The following CPEB3 variants were observed in gnomAD, a reference collection of about 807,000 sequenced individuals.
CPEB3 encodes the protein cytoplasmic polyadenylation element-binding protein 3.
CPEB3 carries 20 observed loss-of-function variants against 67.2 expected under a neutral mutation model. That is an observed-to-expected ratio of 0.30 (90% CI 0.21 to 0.43). The LOEUF (loss-of-function observed/expected upper bound fraction) is 0.43, where lower values mean the gene tolerates loss of function less well. CPEB3 is among the 20% of genes least tolerant of loss of function. The pLI, the probability that CPEB3 is intolerant of heterozygous loss-of-function variation, is 1.00. For synonymous variants in CPEB3, 376 were observed against 393.1 expected (o/e 0.96, Z 0.51); for missense variants, 746 against 968.6 (o/e 0.77, Z 3.05).
chr10:92,151,121 G>A (rs557184820), intron 4 of CPEB3, among the ~76,000 whole-genome samples: 31 of 152,312 alleles, frequency 2.0e-4, no homozygotes, highest in Middle Eastern at 3.4e-3. Flanking sequence ...GTTAAGCATG[G>A]AAGGCTTGTC....
At chr10:92,095,929 G>A (rs1843853174) in intron 7 of CPEB3, among the ~76,000 whole-genome samples, 1 of 151,700 alleles carries the variant, frequency 6.6e-6, no homozygotes, top group Non-Finnish European at 1.5e-5. Context: ...AGGCTGGAGT[G>A]CAGTGGCACA....
intron 3 of CPEB3, among the ~76,000 whole-genome samples, chr10:92,188,482 G>A (rs1848806848): frequency 6.6e-6 from 1 of 152,076 alleles, no homozygotes; most frequent in East Asian, 1.9e-4. Context: ...AGCACTTTGG[G>A]AGGCTAAGCC....
chr10:92,053,200 T>C (rs1303549592), intron 9 of CPEB3, among the ~76,000 whole-genome samples: 1 of 152,188 alleles, frequency 6.6e-6, no homozygotes, highest in Admixed American at 6.5e-5. Flanking sequence ...GAAACTTCAA[T>C]AGACGACAAC....
rs117092055 is a variant in CPEB3 at position 92,169,087 on chromosome 10, G to A, written c.1222+11876C>T. Among the ~76,000 whole-genome samples the A allele has an allele frequency of 2.9e-4, 43 of 149,892 alleles. No homozygotes were observed. The East Asian group carries it at 7.8e-3, about 27-fold the overall frequency. ...CTGAGATCACAGGCGTGAGCTAACC[G>A]TGCCTGGCCTAAACCTCTTTCCTTT... On this transcript the variant is annotated intron_variant, in intron 4 of 9. Transcript: ENST00000265997.
chr10:92,110,724 A>G (rs1239107121), intron 7 of CPEB3, among the ~76,000 whole-genome samples: 2 of 152,190 alleles, frequency 1.3e-5, no homozygotes, highest in Non-Finnish European at 2.9e-5. Flanking sequence ...CTTTTTCAAA[A>G]ATAAATAACT....
intron 4 of CPEB3, among the ~76,000 whole-genome samples, chr10:92,146,544 T>C (rs1012558942): frequency 1.3e-5 from 2 of 152,070 alleles, no homozygotes; most frequent in South Asian, 2.1e-4. Flanking sequence ...TAAAACAGAA[T>C]ATAAATAGCC....
intron 3 of CPEB3, among the ~76,000 whole-genome samples, chr10:92,189,050 T>C (rs1204325567): frequency 6.6e-6 from 1 of 152,176 alleles, no homozygotes; most frequent in Non-Finnish European, 1.5e-5. Flanking sequence ...ATCAAGAGGA[T>C]AGTTGAATAA....
intron 2 of CPEB3, among the ~76,000 whole-genome samples, chr10:92,217,230 AAAAAT>A (rs1850466559): frequency 7.3e-6 from 1 of 136,702 alleles, no homozygotes; most frequent in African/African-American, 3.1e-5. Flanking sequence ...AAAAAAAAAA[AAAAAT>A]TATATATATA....
rs768602863 is a variant in CPEB3 at position 92,180,640 on chromosome 10, G to T, written c.1222+323C>A. 1.1e-4 allele frequency among the ~76,000 whole-genome samples: 17 copies of T among 152,160 alleles called. 1 individual carries two copies. The highest frequency in any genetic ancestry group is 2.5e-4 in the Non-Finnish European group (17 of 68,024). Reference sequence around the variant, plus strand: ...GATCCAGCTTGCAGAGCTATAGTTTGCCAACCCTGGTTTGAAGCAGCAATT... The same window carrying T: ...GATCCAGCTTGCAGAGCTATAGTTTTCCAACCCTGGTTTGAAGCAGCAATT... On this transcript the variant is annotated intron_variant, in intron 4 of 9. Transcript: ENST00000265997.
At chr10:92,117,567 T>C (rs539634711) in intron 6 of CPEB3, among the ~76,000 whole-genome samples, 2 of 151,774 alleles carry the variant, frequency 1.3e-5, no homozygotes, top group Admixed American at 6.6e-5. Context: ...CCTGACCTCA[T>C]GATCCGCCCA....
intron 8 of CPEB3, among the ~76,000 whole-genome samples, chr10:92,083,922 G>A (rs957515235): frequency 6.6e-5 from 10 of 152,056 alleles, no homozygotes; most frequent in Admixed American, 3.9e-4. Flanking sequence ...GGTGGCTCAC[G>A]GCTATAATCC....
intron 1 of CPEB3, among the ~76,000 whole-genome samples, chr10:92,245,377 T>C (rs10882038): frequency 0.35 from 53,584 of 151,574 alleles, 10,661 homozygotes; most frequent in African/African-American, 0.53. Context: ...ACCTCGTGAT[T>C]TGCCCACCTC....
In CPEB3 at chr10:92,050,522, G is replaced by A. The variant is rs879326181; in HGVS notation, c.*1690C>T. On this transcript the variant is annotated 3_prime_UTR_variant, in exon 10 of 10. Transcript: ENST00000265997. Reference sequence around the variant, plus strand: ...ACATAGTCTTGCAATCATTGTGTGTGTTTATATATTACTATCTGCAGCCCA... The same window carrying A: ...ACATAGTCTTGCAATCATTGTGTGTATTTATATATTACTATCTGCAGCCCA... 4.6e-5 allele frequency: 7 copies of A among 152,566 alleles called. No homozygotes were observed. The highest frequency in any genetic ancestry group is 1.0e-4 in the Non-Finnish European group (7 of 68,056). The allele number at this position is 152,566 out of a possible 1,614,324, so 9.5% of individuals were successfully genotyped here.
intron 7 of CPEB3, among the ~76,000 whole-genome samples, chr10:92,104,400 T>G (rs1844338034): frequency 8.8e-6 from 1 of 113,722 alleles, no homozygotes; most frequent in Non-Finnish European, 1.8e-5. Flanking sequence ...TTTTTTTTTT[T>G]GAGACGGAGT....
rs1302295478 is a variant in CPEB3, at chr10:92,198,064, C to CACTCAGAGCCGAGAT, written c.1006-5429_1006-5428insATCTCGGCTCTGAGT. 7.2e-5 allele frequency among the ~76,000 whole-genome samples: 11 copies of CACTCAGAGCCGAGAT among 152,286 alleles called. No homozygotes were observed. In the East Asian group the frequency reaches 1.5e-3, roughly 21 times the overall value. On this transcript the variant is annotated intron_variant, in intron 2 of 9. Coordinates refer to ENST00000265997, the MANE Select transcript of CPEB3 (RefSeq NM_014912.5). ...GAGGCTGCAGTGAGCCGAGATCACG[C>CACTCAGAGCCGAGAT]CATTGCACTCCACCCTGGGTGACAC...
intron 7 of CPEB3, among the ~76,000 whole-genome samples, chr10:92,110,610 T>C (rs1376669910): frequency 6.6e-6 from 1 of 152,252 alleles, no homozygotes; most frequent in Non-Finnish European, 1.5e-5. Context: ...CTATCCATTT[T>C]AGAGTGTAAG....
At chr10:92,198,756 G>A (rs567866748) in intron 2 of CPEB3, among the ~76,000 whole-genome samples, 11 of 152,286 alleles carry the variant, frequency 7.2e-5, no homozygotes, top group Middle Eastern at 3.4e-3. Flanking sequence ...GCTCACAAAG[G>A]TTTATGTAAC....
intron 1 of CPEB3, among the ~76,000 whole-genome samples, chr10:92,260,589 T>G (rs1852751745): frequency 6.6e-6 from 1 of 151,878 alleles, no homozygotes; most frequent in Non-Finnish European, 1.5e-5. Flanking sequence ...TTCAAGATAA[T>G]TTTTTGACTG....
chr10:92,258,666 A>G, intron 1 of CPEB3, among the ~76,000 whole-genome samples: 2 of 85,612 alleles, frequency 2.3e-5, no homozygotes, highest in East Asian at 2.9e-4. Context: ...ATATATATAT[A>G]TATATATATA....
Sources: allele counts gnomAD v4.1 joint callset (sites outside exome capture counted in the v4.1 genomes callset), GRCh38; gene constraint gnomAD v4.1.1; transcripts MANE v1.5; gene names NCBI Gene and HGNC (gene_info 2026-07-23, HGNC 2026-07-21).